The following IQUB variants were observed in gnomAD, a reference collection of about 807,000 sequenced individuals.
IQUB encodes IQ motif and ubiquitin-like domain-containing protein.
A neutral mutation model predicts 86.4 loss-of-function variants in IQUB; 86 were observed. The observed-to-expected ratio is 1.00, with a 90% CI of 0.84 to 1.19. The LOEUF (loss-of-function observed/expected upper bound fraction) is 1.19. Among genes scored for constraint, IQUB ranks in the 50% most tolerant of loss-of-function variants. The probability of loss-of-function intolerance (pLI) is 0.00; values close to 1 mark genes in which losing one functional copy is unlikely to be tolerated. For synonymous variants in IQUB, 289 were observed against 304.5 expected, an observed-to-expected ratio of 0.95 and a Z score of 0.53; for missense variants, 946 against 916.9, an observed-to-expected ratio of 1.03 and a Z score of -0.41.
chr7:123,482,772 T>C (rs1429440400), intron 7 of IQUB, among the ~76,000 whole-genome samples: 3 of 152,060 alleles, frequency 2.0e-5, no homozygotes, highest in Non-Finnish European at 2.9e-5. Flanking sequence ...TGAAAGAGCA[T>C]GTCTTCTGGG....
intron 12 of IQUB, among the ~76,000 whole-genome samples, chr7:123,455,948 A>T (rs1390182831): frequency 6.6e-6 from 1 of 152,082 alleles, no homozygotes; most frequent in African/African-American, 2.4e-5. Context: ...GTTTCATATT[A>T]ACTTGCAAGT....
intron 10 of IQUB, among the ~76,000 whole-genome samples, chr7:123,461,979 C>T (rs772719612): frequency 7.3e-5 from 11 of 151,650 alleles, no homozygotes; most frequent in Non-Finnish European, 1.3e-4. Context: ...TAGCTAGATT[C>T]GCATATAAGT....
Position 123,452,921 on chromosome 7 carries a change from T to C in IQUB, c.2198A>G (p.Tyr733Cys), listed in dbSNP as rs747638319. The C allele has an allele frequency of 1.9e-6, 3 of 1,604,684 alleles. No individual in the cohort carries two copies. Among genetic ancestry groups the C allele is most frequent in the East Asian group, 4.5e-5 (2 of 44,768 alleles). The change falls in exon 13 of 13, where the codon TAT becomes TGT. Residue 733 changes from tyrosine to cysteine, a missense_variant. Coordinates refer to ENST00000324698, the MANE Select transcript of IQUB (RefSeq NM_178827.5). ...HLKLTSIEEG[Y>C]ERSFIHKIKH... ...GATCTTGTGAATAAATGAGCGTTCA[T>C]ATCCCTGCAAAGAAAAAAATCAAAT... is the stretch of plus-strand genomic sequence containing the variant.
At chr7:123,512,598 A>C (rs1796470956) in intron 1 of IQUB, among the ~76,000 whole-genome samples, 1 of 152,160 alleles carries the variant, frequency 6.6e-6, no homozygotes, top group Non-Finnish European at 1.5e-5. Context: ...TCCTTATTTT[A>C]GTCTCATATT....
intron 3 of IQUB, among the ~76,000 whole-genome samples, chr7:123,506,263 G>A (rs905242081): frequency 6.6e-6 from 1 of 152,120 alleles, no homozygotes; most frequent in East Asian, 1.9e-4. Flanking sequence ...TCATCTTCCT[G>A]TCTTCTTCAA....
At position 123,496,765 on chromosome 7, in the gene IQUB, A is replaced by G. The variant is rs2117169942; in HGVS notation, c.1165T>C (p.Leu389=). 1.2e-6 allele frequency: 2 copies of G among 1,612,036 alleles called. No individual in the cohort carries two copies. Among genetic ancestry groups the G allele is most frequent in the Non-Finnish European group, 1.7e-6 (2 of 1,178,670 alleles). The change falls in exon 7 of 13, where the codon TTG becomes CTG. Residue 389 remains leucine, a synonymous_variant. Coordinates refer to ENST00000324698, the MANE Select transcript of IQUB (RefSeq NM_178827.5). ...GGATTATGCCTCCGGTGATAGTCCA[A>G]TTTTATCCATTCTTCTTTTTCTCTT... ...KIREKEEWIK[L]DYHRRHNPKT... is the part of the protein sequence containing the mutation.
intron 1 of IQUB, among the ~76,000 whole-genome samples, chr7:123,526,243 T>C (rs1403058059): frequency 6.6e-6 from 1 of 152,166 alleles, no homozygotes; most frequent in Non-Finnish European, 1.5e-5. Context: ...CTGAGTTCAA[T>C]TCCTGGGTAT....
At chr7:123,465,282 C>T (rs1231982232) in intron 9 of IQUB, among the ~76,000 whole-genome samples, 1 of 151,680 alleles carries the variant, frequency 6.6e-6, no homozygotes, top group East Asian at 1.9e-4. Flanking sequence ...CAGTACAATT[C>T]TGTCAAATAA....
At chr7:123,459,091 G>A (rs1240952343) in intron 11 of IQUB, among the ~76,000 whole-genome samples, 1 of 151,836 alleles carries the variant, frequency 6.6e-6, no homozygotes, top group Admixed American at 6.6e-5. Context: ...GGGGGGGGAA[G>A]CTACTGGACA....
chr7:123,524,421 T>C (rs2117344565), intron 1 of IQUB, among the ~76,000 whole-genome samples: 1 of 151,266 alleles, frequency 6.6e-6, no homozygotes, highest in South Asian at 2.1e-4. Flanking sequence ...GTCCTTCATA[T>C]CCCTTGTAAG....
intron 8 of IQUB, among the ~76,000 whole-genome samples, chr7:123,474,146 C>CA (rs1182800322): frequency 1.3e-5 from 2 of 152,020 alleles, no homozygotes; most frequent in Non-Finnish European, 2.9e-5. Context: ...TATTTGGACT[C>CA]AAAAAAGTGA....
rs1280683513 is a variant in IQUB at position 123,452,473 on chromosome 7, T to A, written c.*270A>T. 1 of 236,102 alleles carries A rather than the reference T, an allele frequency of 4.2e-6. No individual in the cohort carries two copies. The highest frequency in any genetic ancestry group is 8.1e-6 in the Non-Finnish European group (1 of 123,968). 14.6% of individuals were successfully genotyped at this position (236,102 alleles called of 1,614,324 possible). ...AATATACTTGAAAAAATTTAAAAAA[T>A]TTAATGTGAAAACACATTTTAAAAT... On this transcript the variant is annotated 3_prime_UTR_variant, in exon 13 of 13. Coordinates refer to ENST00000324698, the MANE Select transcript of IQUB (RefSeq NM_178827.5).
chr7:123,469,235 T>A lies in IQUB; in HGVS notation c.1560A>T (p.Leu520Phe). ...ISQDERLDVL[L>F]TLKHTVKEHE... is the part of the protein sequence containing the mutation. Reference sequence around the variant, plus strand: ...ATACCTTTACAGTGTGTTTAAGAGTTAACAGCACATCCAGCCTCTCATCTT... The same window carrying A: ...ATACCTTTACAGTGTGTTTAAGAGTAAACAGCACATCCAGCCTCTCATCTT... The change falls in exon 9 of 13, where the codon TTA becomes TTT. Residue 520 changes from leucine (L) to phenylalanine (F), a missense_variant. Physicochemically the swap from Leu to Phe is conservative, Grantham distance 22 (BLOSUM62 0). Coordinates refer to ENST00000324698, the MANE Select transcript of IQUB (RefSeq NM_178827.5). 1 of 1,597,288 alleles carries A rather than the reference T, an allele frequency of 6.3e-7. No individual in the cohort carries two copies. Among genetic ancestry groups the A allele is most frequent in the Non-Finnish European group, 8.5e-7 (1 of 1,172,888 alleles).
At chr7:123,481,465 G>A (rs928444032) in intron 7 of IQUB, among the ~76,000 whole-genome samples, 57 of 151,906 alleles carry the variant, frequency 3.8e-4, no homozygotes, top group African/African-American at 1.3e-3. Context: ...TATGAAAGAC[G>A]GGAGAAATGA....
intron 12 of IQUB, 143 bp from the exon 13 acceptor site, chr7:123,453,068 A>C (rs1448774151): frequency 4.7e-6 from 3 of 640,494 alleles, no homozygotes; most frequent in Non-Finnish European, 7.9e-6. Context: ...ATCATCATTC[A>C]CGACTCAGCT....
intron 7 of IQUB, among the ~76,000 whole-genome samples, chr7:123,482,439 A>C (rs1314171939): frequency 6.6e-6 from 1 of 152,072 alleles, no homozygotes; most frequent in Non-Finnish European, 1.5e-5. Context: ...TAGAAACCAG[A>C]AATGTTACAA....
At chr7:123,499,996 T>G (rs1795869144) in intron 6 of IQUB, among the ~76,000 whole-genome samples, 1 of 152,168 alleles carries the variant, frequency 6.6e-6, no homozygotes, top group Non-Finnish European at 1.5e-5. Context: ...TCCTCACTGC[T>G]ACACTCCCAC....
intron 7 of IQUB, among the ~76,000 whole-genome samples, chr7:123,493,721 ATGTGTGTGTATGTGTGTG>A (rs902587907): frequency 1.1e-4 from 14 of 128,406 alleles, no homozygotes; most frequent in Middle Eastern, 4.1e-3. Context: ...CCTGAGAGAA[ATGTGTGTGTATGTGTGTG>A]TGTGTGTGTG....
intron 8 of IQUB, among the ~76,000 whole-genome samples, chr7:123,471,632 T>TCC (rs34649365): frequency 0.1 from 15,303 of 151,604 alleles, 1,011 homozygotes; most frequent in Middle Eastern, 0.17. Context: ...AACTCTGTTT[T>TCC]CCCCCCCAAG....
Sources: gnomAD v4.1 joint callset for allele counts (sites outside exome capture counted in the v4.1 genomes callset) on GRCh38, gnomAD v4.1.1 for gene constraint, MANE v1.5 for transcripts, NCBI Gene and HGNC (gene_info 2026-07-23, HGNC 2026-07-21) for gene names.